Variants in RPL39L observed in about 807,000 individuals in gnomAD.
The protein encoded by RPL39L is ribosomal protein eL39-like 2.
For synonymous variants in RPL39L, 16 were observed against 20.1 expected, an observed-to-expected ratio of 0.80 and a Z score of 0.55; for missense variants, 48 against 58.9, an observed-to-expected ratio of 0.81 and a Z score of 0.61.
intron 2 of RPL39L, 86 bp from the exon 3 acceptor site, chr3:187,121,414 A>AGAG: frequency 7.3e-7 from 1 of 1,363,358 alleles, no homozygotes; most frequent in Non-Finnish European, 1.0e-6. Context: ...AAGACAAGAA[A>AGAG]GAGGATCTTT....
chr3:187,132,845 C>A (rs1720509000), intron 1 of RPL39L, among the ~76,000 whole-genome samples: 1 of 152,168 alleles, frequency 6.6e-6, no homozygotes, highest in Non-Finnish European at 1.5e-5. Context: ...TTCCTCAGAT[C>A]CAGGCAAACT....
chr3:187,121,092 T>A lies in RPL39L; in HGVS notation c.*53A>T. On this transcript the variant is annotated 3_prime_UTR_variant, in exon 3 of 3. Transcript: ENST00000296277. ...ACATTTTCAGCTTGATATCGTAAGA[T>A]GATCGTGAACTTGATACAGCATAAA... The A allele has an allele frequency of 6.3e-7, 1 of 1,591,342 alleles. No homozygotes were observed. Among genetic ancestry groups the A allele is most frequent in the South Asian group, 1.1e-5 (1 of 90,038 alleles).
chr3:187,132,537 C>CT (rs1194528534), intron 1 of RPL39L, among the ~76,000 whole-genome samples: 4 of 152,138 alleles, frequency 2.6e-5, no homozygotes, highest in African/African-American at 9.7e-5. Flanking sequence ...TCCTTATTCT[C>CT]TATTTTCGGG....
Position 187,121,103 on chromosome 3 carries a change from T to C in RPL39L, c.*42A>G, listed in dbSNP as rs758824814. 2.5e-6 allele frequency: 4 copies of C among 1,606,802 alleles called. No individual in the cohort carries two copies. The African/African-American group carries it at 5.4e-5, about 21-fold the overall frequency. The stretch of plus-strand genomic sequence containing the variant: ...TTGATATCGTAAGATGATCGTGAAC[T>C]TGATACAGCATAAATATGTGTGCCA... On this transcript the variant is annotated 3_prime_UTR_variant, in exon 3 of 3. Coordinates refer to ENST00000296277, the MANE Select transcript of RPL39L (RefSeq NM_052969.3).
chr3:187,137,669 A>G (rs991119519), intron 1 of RPL39L, among the ~76,000 whole-genome samples: 7 of 152,090 alleles, frequency 4.6e-5, no homozygotes, highest in African/African-American at 1.7e-4. Flanking sequence ...CTAAAAATAC[A>G]AAAATTAGCC....
rs1466069542 is a variant in RPL39L at position 187,121,069 on chromosome 3, A to AT, written c.*75dup. 5.8e-6 allele frequency: 9 copies of AT among 1,541,418 alleles called. No individual in the cohort carries two copies. The highest frequency in any genetic ancestry group is 8.0e-6 in the Non-Finnish European group (9 of 1,120,992). ...GTGCAACTGTCCAGGTAGTGGTGAC[A>AT]TTTTCAGCTTGATATCGTAAGATGA... On this transcript the variant is annotated 3_prime_UTR_variant, in exon 3 of 3. Transcript: ENST00000296277.
intron 1 of RPL39L, among the ~76,000 whole-genome samples, chr3:187,130,016 T>C (rs541617561): frequency 6.6e-6 from 1 of 152,318 alleles, no homozygotes; most frequent in East Asian, 1.9e-4. Flanking sequence ...ATAGTTTTAA[T>C]ATACTTTGTT....
chr3:187,123,412 C>G (rs909704940), intron 2 of RPL39L, among the ~76,000 whole-genome samples: 21 of 152,158 alleles, frequency 1.4e-4, no homozygotes, highest in African/African-American at 4.8e-4. Context: ...CTATTTCTGC[C>G]CAATCCTTTT....
intron 1 of RPL39L, among the ~76,000 whole-genome samples, chr3:187,138,728 T>G (rs1315844000): frequency 6.6e-6 from 1 of 152,124 alleles, no homozygotes; most frequent in East Asian, 1.9e-4. Flanking sequence ...CCTCCTTCTC[T>G]AAGCTAGAAA....
rs943743600 is a variant in RPL39L, at chr3:187,121,218, T to C, written c.83A>G (p.Gln28Arg). The C allele has an allele frequency of 1.2e-6, 2 of 1,613,846 alleles. No homozygotes were observed. The highest frequency in any genetic ancestry group is 2.7e-5 in the African/African-American group (2 of 74,918). The part of the protein sequence containing the change: ...KQNRPIPQWI[Q>R]MKPGSKIRYN... ...CCTGATTTTACTACCAGGTTTCATC[T>C]GAATCCACTGGGGGATGGGACGATT... The change falls in exon 3 of 3, where the codon CAG becomes CGG. Residue 28 changes from glutamine (Q) to arginine (R), a missense_variant. Gln to Arg is a conservative substitution (Grantham distance 43). Coordinates refer to ENST00000296277, the MANE Select transcript of RPL39L (RefSeq NM_052969.3).
intron 2 of RPL39L, among the ~76,000 whole-genome samples, chr3:187,123,750 T>A (rs1720351612): frequency 6.6e-6 from 1 of 152,152 alleles, no homozygotes; most frequent in African/African-American, 2.4e-5. Flanking sequence ...TCTACTGTAG[T>A]AAGATAAAGA....
At chr3:187,130,020 CTT>C (rs1720461003) in intron 1 of RPL39L, among the ~76,000 whole-genome samples, 1 of 152,132 alleles carries the variant, frequency 6.6e-6, no homozygotes. Context: ...TTTTAATATA[CTT>C]TGTTATAATA....
chr3:187,134,502 A>AAAG (rs58548534), intron 1 of RPL39L, among the ~76,000 whole-genome samples: 8 of 151,024 alleles, frequency 5.3e-5, no homozygotes, highest in African/African-American at 1.9e-4. Context: ...AAAAAAAAAA[A>AAAG]GAAGACACAA....
chr3:187,130,447 C>T (rs1473440451), intron 1 of RPL39L, among the ~76,000 whole-genome samples: 3 of 152,216 alleles, frequency 2.0e-5, no homozygotes, highest in Admixed American at 2.0e-4. Context: ...TTGGTGCTGC[C>T]GTCGTGACAG....
chr3:187,137,107 A>G (rs2108471310), intron 1 of RPL39L, among the ~76,000 whole-genome samples: 1 of 149,818 alleles, frequency 6.7e-6, no homozygotes, highest in East Asian at 2.0e-4. Context: ...TGAGGCAGCA[A>G]GAGGATGGCT....
At chr3:187,121,440 G>A (rs943712461) in intron 2 of RPL39L, 112 bp from the exon 3 acceptor site, 5 of 1,071,624 alleles carry the variant, frequency 4.7e-6, no homozygotes, top group Non-Finnish European at 4.0e-6. Flanking sequence ...CACAGCGAGG[G>A]CTCATTGCCA....
chr3:187,136,431 A>C (rs1386919115), intron 1 of RPL39L, among the ~76,000 whole-genome samples: 1 of 152,236 alleles, frequency 6.6e-6, no homozygotes, highest in Non-Finnish European at 1.5e-5. Context: ...CAGTAGAGAT[A>C]GGTCTGCCAG....
At chr3:187,124,037 G>GT (rs1720356407) in intron 2 of RPL39L, among the ~76,000 whole-genome samples, 2 of 152,252 alleles carry the variant, frequency 1.3e-5, no homozygotes, top group Admixed American at 6.5e-5. Flanking sequence ...CTTATAGCCA[G>GT]TAAGTCAGTA....
chr3:187,124,880 T>G (rs1426743578), intron 2 of RPL39L, among the ~76,000 whole-genome samples: 1 of 152,234 alleles, frequency 6.6e-6, no homozygotes, highest in African/African-American at 2.4e-5. Flanking sequence ...TCAAAATTCT[T>G]ATTAGGCTCA....
Sources: gnomAD v4.1 joint callset for allele counts (sites outside exome capture counted in the v4.1 genomes callset) on GRCh38, gnomAD v4.1.1 for gene constraint, MANE v1.5 for transcripts, NCBI Gene and HGNC (gene_info 2026-07-23, HGNC 2026-07-21) for gene names.